The following GBE1 variants were observed in gnomAD, a reference collection of about 807,000 sequenced individuals.
GBE1 encodes 1,4-alpha-glucan branching enzyme 1.
Under a neutral mutation model 88.8 loss-of-function variants are expected in GBE1, and 70 were observed. The observed-to-expected ratio is 0.79, with a 90% CI of 0.65 to 0.96. The LOEUF (loss-of-function observed/expected upper bound fraction) is 0.96, where lower values mean the gene tolerates loss of function less well. Ranked by LOEUF, GBE1 falls within the 40% of genes least tolerant of loss-of-function variation. The pLI is 0.00. For missense variants in GBE1, 872 were observed against 871.0 expected (o/e 1.00, Z -0.01); for synonymous variants, 284 against 300.1 (o/e 0.95, Z 0.56).
intron 12 of GBE1, among the ~76,000 whole-genome samples, chr3:81,537,508 T>C (rs1449976902): frequency 2.0e-5 from 3 of 152,060 alleles, no homozygotes; most frequent in Non-Finnish European, 4.4e-5. Flanking sequence ...ATGTAGGTTA[T>C]TTTTTGATCC....
chr3:81,623,924 G>T (rs1704367106), intron 7 of GBE1, among the ~76,000 whole-genome samples: 1 of 152,074 alleles, frequency 6.6e-6, no homozygotes, highest in Admixed American at 6.6e-5. Flanking sequence ...TCCTGTCTTG[G>T]CCTCCCAAAG....
Position 81,499,185 on chromosome 3 carries a change from C to T in GBE1, c.1977G>A (p.Gly659=), listed in dbSNP as rs764925200. 4.0e-5 allele frequency: 64 copies of T among 1,611,476 alleles called. No individual in the cohort carries two copies. The highest frequency in any genetic ancestry group is 5.3e-5 in the Non-Finnish European group (63 of 1,178,566). The change falls in exon 15 of 16, where the codon GGG becomes GGA. Residue 659 remains glycine, a synonymous_variant. Transcript: ENST00000429644. ...CAGTGCTGTGGTCCAGTCTCTGATGCCCTCCATATTCCGCTGCATCTGAAT... is the reference window on the plus strand; with the variant it reads ...CAGTGCTGTGGTCCAGTCTCTGATGTCCTCCATATTCCGCTGCATCTGAAT... ...VLDSDAAEYG[G]HQRLDHSTDF...
intron 14 of GBE1, among the ~76,000 whole-genome samples, chr3:81,526,989 C>T (rs1461984664): frequency 1.3e-5 from 2 of 152,048 alleles, no homozygotes; most frequent in African/African-American, 2.4e-5. Context: ...GTGACAGTAA[C>T]CAAAACAGCA....
chr3:81,702,124 TGTGTGTGTGTGTG>T (rs1705702683), intron 2 of GBE1, among the ~76,000 whole-genome samples: 1 of 139,544 alleles, frequency 7.2e-6, no homozygotes, highest in Non-Finnish European at 1.6e-5. Context: ...TGTGTGTGTG[TGTGTGTGTGTGTG>T]TGTGTGTGTG....
chr3:81,643,162 TTTAAAACC>T (rs1704715128), intron 6 of GBE1, among the ~76,000 whole-genome samples, 172 bp from the exon 7 acceptor site: 1 of 152,104 alleles, frequency 6.6e-6, no homozygotes, highest in East Asian at 1.9e-4. Context: ...ATTAAGCAAA[TTTAAAACC>T]ATCAAGTTAG....
At chr3:81,722,297 A>G (rs1040442904) in intron 1 of GBE1, among the ~76,000 whole-genome samples, 2 of 152,188 alleles carry the variant, frequency 1.3e-5, no homozygotes, top group African/African-American at 4.8e-5. Context: ...AGTGCAAAAA[A>G]GAATCAAGTT....
At chr3:81,631,778 T>C (rs1704515902) in intron 7 of GBE1, among the ~76,000 whole-genome samples, 1 of 152,048 alleles carries the variant, frequency 6.6e-6, no homozygotes, top group East Asian at 1.9e-4. Flanking sequence ...ATAAAAAATT[T>C]TTAATGGAAA....
intron 6 of GBE1, 93 bp downstream of exon 6, chr3:81,646,299 T>TACAC: frequency 1.2e-6 from 1 of 816,652 alleles, no homozygotes; most frequent in East Asian, 2.5e-5. Context: ...CCCTAAAAGG[T>TACAC]TACACGATGT....
At chr3:81,718,584 T>G (rs1285752525) in intron 1 of GBE1, among the ~76,000 whole-genome samples, 1 of 152,164 alleles carries the variant, frequency 6.6e-6, no homozygotes, top group Non-Finnish European at 1.5e-5. Flanking sequence ...CTCCAAAGCA[T>G]TGGTCCTTGA....
intron 1 of GBE1, among the ~76,000 whole-genome samples, chr3:81,712,236 C>A (rs1477332367): frequency 6.6e-6 from 1 of 152,182 alleles, no homozygotes; most frequent in Non-Finnish European, 1.5e-5. Context: ...TTGTGGAAGA[C>A]AGAGTGGCGA....
intron 14 of GBE1, among the ~76,000 whole-genome samples, chr3:81,525,216 A>G (rs1241429940): frequency 2.0e-5 from 3 of 151,924 alleles, no homozygotes; most frequent in Non-Finnish European, 4.4e-5. Flanking sequence ...TCAATACCTA[A>G]TTTATTGAGA....
intron 7 of GBE1, among the ~76,000 whole-genome samples, chr3:81,599,327 T>C (rs1321168236): frequency 6.6e-6 from 1 of 151,596 alleles, no homozygotes; most frequent in Non-Finnish European, 1.5e-5. Context: ...CTTGTGTGCG[T>C]GTGTGTGTGT....
intron 2 of GBE1, among the ~76,000 whole-genome samples, chr3:81,692,406 T>C (rs2107145952): frequency 6.6e-6 from 1 of 152,292 alleles, no homozygotes; most frequent in South Asian, 2.1e-4. Context: ...AGAAGAACAA[T>C]GTCCATTGGG....
intron 12 of GBE1, among the ~76,000 whole-genome samples, chr3:81,572,335 G>C (rs866091975): frequency 6.6e-6 from 1 of 152,114 alleles, no homozygotes; most frequent in Non-Finnish European, 1.5e-5. Flanking sequence ...TAAAATATGT[G>C]TATTTAGCTG....
At chr3:81,619,708 T>C (rs1704299477) in intron 7 of GBE1, among the ~76,000 whole-genome samples, 1 of 152,074 alleles carries the variant, frequency 6.6e-6, no homozygotes, top group Non-Finnish European at 1.5e-5. Flanking sequence ...ATCCTCTAGG[T>C]TGGAGACACT....
At chr3:81,750,334 TA>T (rs938396313) in intron 1 of GBE1, among the ~76,000 whole-genome samples, 2 of 151,362 alleles carry the variant, frequency 1.3e-5, no homozygotes, top group African/African-American at 2.4e-5. Context: ...TGTAGTTACG[TA>T]AAAAAATAAT....
At chr3:81,710,614 G>A (rs1234532064) in intron 1 of GBE1, among the ~76,000 whole-genome samples, 6 of 151,732 alleles carry the variant, frequency 4.0e-5, no homozygotes, top group African/African-American at 1.5e-4. Flanking sequence ...TTAATTGGGG[G>A]CTCGGGGGAA....
intron 7 of GBE1, among the ~76,000 whole-genome samples, chr3:81,637,518 T>C (rs1340190263): frequency 1.3e-5 from 2 of 152,178 alleles, no homozygotes; most frequent in African/African-American, 2.4e-5. Context: ...AGTATATGTG[T>C]ATCTCTAACT....
intron 7 of GBE1, among the ~76,000 whole-genome samples, chr3:81,597,919 T>C (rs562250395): frequency 6.6e-6 from 1 of 152,044 alleles, no homozygotes; most frequent in East Asian, 1.9e-4. Context: ...CACAGATAAT[T>C]CCAATATTAA....
Sources: gnomAD v4.1 joint callset for allele counts (sites outside exome capture counted in the v4.1 genomes callset) on GRCh38, gnomAD v4.1.1 for gene constraint, MANE v1.5 for transcripts, NCBI Gene and HGNC (gene_info 2026-07-23, HGNC 2026-07-21) for gene names.